PTPRD: variants seen among roughly 807,000 people sequenced by gnomAD.
The protein encoded by PTPRD is protein tyrosine phosphatase receptor type D.
In PTPRD, 34 loss-of-function variants were observed where a neutral mutation model predicts 214.5. That is an observed-to-expected ratio of 0.16 (90% CI 0.12 to 0.21). The LOEUF (loss-of-function observed/expected upper bound fraction) is 0.21. Ranked by LOEUF, PTPRD falls within the 10% of genes least tolerant of loss-of-function variation. PTPRD has a pLI of 1.00. For synonymous variants in PTPRD, 1,128 were observed against 845.7 expected, an observed-to-expected ratio of 1.33 and a Z score of -5.79; for missense variants, 2,545 against 2,398.7, an observed-to-expected ratio of 1.06 and a Z score of -1.27.
At chr9:9,292,096 A>C (rs1951348714) in intron 9 of PTPRD, among the ~76,000 whole-genome samples, 1 of 151,342 alleles carries the variant, frequency 6.6e-6, no homozygotes, top group Admixed American at 6.6e-5. Context: ...ATTATCTATG[A>C]GACGAGGGCC....
chr9:10,607,169 A>G (rs2079626324), intron 2 of PTPRD, among the ~76,000 whole-genome samples: 1 of 152,016 alleles, frequency 6.6e-6, no homozygotes, highest in South Asian at 2.1e-4. Context: ...ATTTGAGAAT[A>G]TAGAGGTAAA....
At chr9:9,322,109 C>T (rs1966842825) in intron 9 of PTPRD, among the ~76,000 whole-genome samples, 1 of 152,122 alleles carries the variant, frequency 6.6e-6, no homozygotes, top group South Asian at 2.1e-4. Context: ...AGTGTACAGG[C>T]AAAACCATGA....
At chr9:9,458,479 A>C (rs771105677) in intron 8 of PTPRD, among the ~76,000 whole-genome samples, 22 of 152,100 alleles carry the variant, frequency 1.4e-4, no homozygotes, top group Non-Finnish European at 2.9e-4. Context: ...ATGAGTGTGC[A>C]TGTCTTTACT....
chr9:10,493,952 C>T (rs2041200978), intron 2 of PTPRD, among the ~76,000 whole-genome samples: 1 of 151,836 alleles, frequency 6.6e-6, no homozygotes, highest in South Asian at 2.1e-4. Context: ...TAGATGATGC[C>T]ATATCTATTT....
chr9:10,433,209 T>A (rs1318041191), intron 2 of PTPRD, among the ~76,000 whole-genome samples: 2 of 151,964 alleles, frequency 1.3e-5, no homozygotes, highest in Non-Finnish European at 2.9e-5. Context: ...CCTAGTCCTT[T>A]ACTTTTATCT....
At chr9:9,373,346 C>G (rs1049697604) in intron 9 of PTPRD, among the ~76,000 whole-genome samples, 1 of 151,986 alleles carries the variant, frequency 6.6e-6, no homozygotes, top group African/African-American at 2.4e-5. Context: ...TACCTAACAC[C>G]TAGAAACCTT....
intron 3 of PTPRD, among the ~76,000 whole-genome samples, chr9:10,266,637 A>C (rs1334147627): frequency 1.2e-4 from 19 of 152,166 alleles, no homozygotes; most frequent in Admixed American, 1.2e-3. Flanking sequence ...TGGATAGGAG[A>C]GAATGTAAAG....
chr9:8,487,127 T>G (rs1291415560), intron 27 of PTPRD, among the ~76,000 whole-genome samples: 2 of 152,240 alleles, frequency 1.3e-5, no homozygotes, highest in Non-Finnish European at 2.9e-5. Flanking sequence ...AGAGCTATTT[T>G]ATATTGTTCT....
intron 21 of PTPRD, among the ~76,000 whole-genome samples, chr9:8,509,214 C>G (rs996283067): frequency 6.6e-6 from 1 of 151,946 alleles, no homozygotes; most frequent in South Asian, 2.1e-4. Flanking sequence ...GAACAAAACA[C>G]AAATAGGCAA....
chr9:8,318,950 A>G (rs1824454115), intron 45 of PTPRD, among the ~76,000 whole-genome samples: 1 of 152,076 alleles, frequency 6.6e-6, no homozygotes, highest in Admixed American at 6.6e-5. Context: ...ATTTTTCTGT[A>G]ATAAAAATGG....
chr9:8,634,995 T>C (rs1031730528), intron 13 of PTPRD, among the ~76,000 whole-genome samples: 2 of 150,448 alleles, frequency 1.3e-5, no homozygotes, highest in South Asian at 4.2e-4. Flanking sequence ...ACAGTCAACA[T>C]GTACTGCTCT....
At chr9:9,784,819 A>G (rs1053771130) in intron 5 of PTPRD, among the ~76,000 whole-genome samples, 6 of 150,554 alleles carry the variant, frequency 4.0e-5, no homozygotes, top group Non-Finnish European at 7.4e-5. Context: ...TAAAACATAT[A>G]TTAGATATAT....
At chr9:9,918,128 G>A (rs919859255) in intron 5 of PTPRD, among the ~76,000 whole-genome samples, 7 of 151,978 alleles carry the variant, frequency 4.6e-5, no homozygotes, top group Non-Finnish European at 1.0e-4. Context: ...GTACCTAGAT[G>A]ACATGATTTT....
chr9:9,704,591 G>C (rs1405463400), intron 7 of PTPRD, among the ~76,000 whole-genome samples: 1 of 152,118 alleles, frequency 6.6e-6, no homozygotes, highest in Non-Finnish European at 1.5e-5. Context: ...CAAAAATGCA[G>C]CCAAAGTAAC....
chr9:9,509,849 T>A (rs1394523196), intron 8 of PTPRD, among the ~76,000 whole-genome samples: 1 of 151,678 alleles, frequency 6.6e-6, no homozygotes, highest in Non-Finnish European at 1.5e-5. Flanking sequence ...TACAATTACT[T>A]TCCAGATCAT....
At chr9:9,896,782 T>C (rs1261306866) in intron 5 of PTPRD, among the ~76,000 whole-genome samples, 4 of 152,070 alleles carry the variant, frequency 2.6e-5, no homozygotes, top group African/African-American at 7.2e-5. Flanking sequence ...CATTTTCAAA[T>C]ATAAATATAA....
intron 3 of PTPRD, among the ~76,000 whole-genome samples, chr9:10,036,852 G>A (rs1013416457): frequency 2.6e-5 from 4 of 151,796 alleles, no homozygotes; most frequent in African/African-American, 2.4e-5. Flanking sequence ...AAAGTGCTGG[G>A]ATTACAGGCC....
chr9:9,266,047 T>A (rs1430988403), intron 9 of PTPRD, among the ~76,000 whole-genome samples: 1 of 151,504 alleles, frequency 6.6e-6, no homozygotes, highest in Admixed American at 6.6e-5. Context: ...AAAGATATTG[T>A]ATGCAAATAA....
At position 8,340,355 on chromosome 9, in the gene PTPRD, A is replaced by T. The variant is rs2132347262; in HGVS notation, c.5241T>A (p.Arg1747=). ...STIVVMLTKL[R]EMGREKCHQY... is the part of the protein sequence containing the mutation. ...GCCACACACTTACTCTGCCCATTTC[A>T]CGCAGCTTGGTGAGCATCACAACTA... Residue 1747 remains arginine (R), a synonymous_variant, in exon 42 of 46, where the codon CGT becomes CGA. Coordinates refer to ENST00000381196, the MANE Select transcript of PTPRD (RefSeq NM_002839.4). 6.2e-7 allele frequency: 1 copy of T among 1,608,282 alleles called. No homozygotes were observed. The highest frequency in any genetic ancestry group is 8.5e-7 in the Non-Finnish European group (1 of 1,175,866).
Sources: allele counts gnomAD v4.1 joint callset (sites outside exome capture counted in the v4.1 genomes callset), GRCh38; gene constraint gnomAD v4.1.1; transcripts MANE v1.5; gene names NCBI Gene and HGNC (gene_info 2026-07-23, HGNC 2026-07-21).